The following CPXM2 variants were observed in gnomAD, a reference collection of about 807,000 sequenced individuals.
CPXM2 encodes the protein inactive carboxypeptidase-like protein X2.
In CPXM2, 66 loss-of-function variants were observed where a neutral mutation model predicts 86.1. The ratio of observed to expected loss-of-function variants is 0.77; its 90% CI spans 0.63 to 0.94. The LOEUF (loss-of-function observed/expected upper bound fraction) is 0.94, where lower values mean the gene tolerates loss of function less well. Ranked by LOEUF, CPXM2 falls within the 40% of genes least tolerant of loss-of-function variation. The pLI is 0.00. For missense variants in CPXM2, 948 were observed against 1,026.3 expected (o/e 0.92, Z 1.04); for synonymous variants, 388 against 400.2 (o/e 0.97, Z 0.36).
At position 123,918,744 on chromosome 10, in the gene CPXM2, G is replaced by A. The variant is rs1444151960; in HGVS notation, n.174+20733C>T. ...GATGCTGTGATCCCCTTCAGCAGCA[G>A]TGGTCATGGAAGCCATACAAGCATG... On this transcript the variant is annotated intron_variant and non_coding_transcript_variant, in intron 2 of 19. Transcript: ENST00000368854. Among the ~76,000 whole-genome samples the A allele has an allele frequency of 2.0e-5, 3 of 152,306 alleles. No homozygotes were observed. In the East Asian group the frequency reaches 5.8e-4, roughly 29 times the overall value.
At position 123,771,232 on chromosome 10, in the gene CPXM2, C is replaced by CT. The variant is rs760514988; in HGVS notation, c.979-194dup. Among the ~76,000 whole-genome samples the CT allele has an allele frequency of 2.2e-4, 33 of 152,286 alleles. 1 individual carries two copies. The highest frequency in any genetic ancestry group is 6.8e-3 in the Middle Eastern group (2 of 294). On this transcript the variant is annotated intron_variant, in intron 7 of 13. Coordinates refer to ENST00000241305, the MANE Select transcript of CPXM2 (RefSeq NM_198148.3). ...ATCCCTCTGCCCTGGATAATGCCCA[C>CT]TTTCCTTCCAGCACCCGCTCTATCA...
At position 123,889,844 on chromosome 10, in the gene CPXM2, T is replaced by A. The variant is rs370519399; in HGVS notation, c.304+1512A>T. On this transcript the variant is annotated intron_variant, in intron 1 of 13. Coordinates refer to ENST00000241305, the MANE Select transcript of CPXM2 (RefSeq NM_198148.3). ...CCCCCTTAGCACTACCCCCAGTGAC[T>A]GCCAGAACCCAACATACATGTCTCC... Among the ~76,000 whole-genome samples, 4 of 152,196 alleles carry A rather than the reference T, an allele frequency of 2.6e-5. No individual in the cohort carries two copies. In the East Asian group the frequency reaches 5.8e-4, roughly 22 times the overall value.
intron 4 of CPXM2, among the ~76,000 whole-genome samples, chr10:123,814,324 G>T (rs1398418968): frequency 1.3e-5 from 2 of 152,142 alleles, no homozygotes; most frequent in Admixed American, 6.5e-5. Context: ...AGACCAGACT[G>T]GCCTAGCCTC....
At chr10:123,933,808 G>T (rs1222652280) in intron 2 of CPXM2, among the ~76,000 whole-genome samples, 3 of 152,048 alleles carry the variant, frequency 2.0e-5, no homozygotes, top group Non-Finnish European at 2.9e-5. Context: ...GCCACAGGAG[G>T]CCATCATACC....
At chr10:123,849,829 T>G (rs955988502) in intron 3 of CPXM2, among the ~76,000 whole-genome samples, 5 of 152,198 alleles carry the variant, frequency 3.3e-5, no homozygotes, top group African/African-American at 1.2e-4. Flanking sequence ...AAATCCTAAG[T>G]GTGCAGCTCA....
At chr10:123,774,262 T>G (rs1179623429) in intron 7 of CPXM2, among the ~76,000 whole-genome samples, 1 of 152,166 alleles carries the variant, frequency 6.6e-6, no homozygotes, top group Non-Finnish European at 1.5e-5. Flanking sequence ...GGAACTGAAT[T>G]GATGCAGAAC....
intron 2 of CPXM2, among the ~76,000 whole-genome samples, chr10:123,939,188 CAGA>C (rs1945750949): frequency 6.6e-6 from 1 of 152,216 alleles, no homozygotes; most frequent in African/African-American, 2.4e-5. Context: ...TCATCTTTTC[CAGA>C]AGCAGTACTG....
At chr10:123,905,816 A>C (rs965082333) in intron 2 of CPXM2, among the ~76,000 whole-genome samples, 5 of 151,126 alleles carry the variant, frequency 3.3e-5, no homozygotes, top group Admixed American at 1.3e-4. Flanking sequence ...GTCATCCTCC[A>C]TCTCCTGCGT....
At chr10:123,921,651 T>C (rs2134279097) in intron 2 of CPXM2, among the ~76,000 whole-genome samples, 1 of 152,310 alleles carries the variant, frequency 6.6e-6, no homozygotes, top group Middle Eastern at 3.4e-3. Flanking sequence ...ATAGACATGG[T>C]AGCAGAGGCT....
intron 2 of CPXM2, among the ~76,000 whole-genome samples, chr10:123,925,830 A>G (rs891055665): frequency 5.3e-5 from 8 of 152,250 alleles, no homozygotes; most frequent in Non-Finnish European, 1.2e-4. Context: ...GAAACAACAG[A>G]GCAATGAGCA....
At chr10:123,907,148 A>C (rs1223390476) in intron 2 of CPXM2, among the ~76,000 whole-genome samples, 1 of 152,172 alleles carries the variant, frequency 6.6e-6, no homozygotes, top group Non-Finnish European at 1.5e-5. Context: ...TGTTTACGAG[A>C]GACTGCCACA....
chr10:123,891,920 G>C (rs1945283762), upstream of CPXM2: 1 of 152,074 alleles, frequency 6.6e-6, no homozygotes, highest in African/African-American at 2.4e-5. The surrounding 1 kb of genome is among the most constrained non-coding windows in gnomAD (Gnocchi z 5.6). Flanking sequence ...CCCTTTCCCG[G>C]CGACCCCTCC....
intron 13 of CPXM2, among the ~76,000 whole-genome samples, chr10:123,748,186 T>C (rs976328821): frequency 1.3e-5 from 2 of 152,098 alleles, no homozygotes; most frequent in African/African-American, 2.4e-5. Context: ...CAGAGAGGTG[T>C]AGTATCCTGC....
At chr10:123,772,594 T>G (rs905545625) in intron 7 of CPXM2, among the ~76,000 whole-genome samples, 13 of 151,774 alleles carry the variant, frequency 8.6e-5, no homozygotes, top group Non-Finnish European at 1.3e-4. Flanking sequence ...CCTCCTCCAT[T>G]GTGGTCATCA....
chr10:123,895,792 G>A (rs1429169634), upstream of CPXM2, among the ~76,000 whole-genome samples: 2 of 152,168 alleles, frequency 1.3e-5, no homozygotes, highest in Non-Finnish European at 2.9e-5. Context: ...GGCAAACTGG[G>A]AAACCAAAGT....
intron 2 of CPXM2, among the ~76,000 whole-genome samples, chr10:123,937,470 A>AT (rs1491511876): frequency 1.6e-4 from 21 of 132,666 alleles, no homozygotes; most frequent in Non-Finnish European, 2.9e-4. Context: ...ACAACAAAAC[A>AT]ACACACACAC....
At chr10:123,749,978 G>GTTTTTT (rs56363371) in intron 13 of CPXM2, 9 of 122,210 alleles carry the variant, frequency 7.4e-5, no homozygotes, top group Admixed American at 1.0e-4. Flanking sequence ...GCTAATTTTT[G>GTTTTTT]TTTTTTTTTT....
intron 13 of CPXM2, among the ~76,000 whole-genome samples, chr10:123,748,099 G>A (rs1846003756): frequency 1.3e-5 from 2 of 152,006 alleles, no homozygotes; most frequent in African/African-American, 4.8e-5. Flanking sequence ...GCTGGCACTG[G>A]CTCACTGAAC....
intron 13 of CPXM2, among the ~76,000 whole-genome samples, chr10:123,753,748 C>T (rs1478989045): frequency 6.6e-6 from 1 of 152,160 alleles, no homozygotes; most frequent in Non-Finnish European, 1.5e-5. Context: ...AATTTCTTTT[C>T]TTCCACAGCA....
Sources: allele counts gnomAD v4.1 joint callset (sites outside exome capture counted in the v4.1 genomes callset), GRCh38; gene constraint gnomAD v4.1.1; non-coding constraint Gnocchi (gnomAD v3.1); transcripts MANE v1.5; gene names NCBI Gene and HGNC (gene_info 2026-07-23, HGNC 2026-07-21).